CSMD3: variants seen among roughly 807,000 people sequenced by gnomAD.
CSMD3 encodes CUB and sushi domain-containing protein 3.
A neutral mutation model predicts 435.2 loss-of-function variants in CSMD3; 177 were observed. The observed-to-expected ratio is 0.41, with a 90% CI of 0.36 to 0.46. The LOEUF (loss-of-function observed/expected upper bound fraction) is 0.46. Ranked by LOEUF, CSMD3 falls within the 20% of genes least tolerant of loss-of-function variation. The probability of loss-of-function intolerance (pLI) is 0.34; values close to 1 mark genes in which losing one functional copy is unlikely to be tolerated. For missense variants in CSMD3, 4,265 were observed against 4,504.6 expected, an observed-to-expected ratio of 0.95 and a Z score of 1.52; for synonymous variants, 1,656 against 1,520.5, an observed-to-expected ratio of 1.09 and a Z score of -2.07.
At chr8:113,283,967 C>T (rs976184319) in intron 2 of CSMD3, among the ~76,000 whole-genome samples, 1 of 152,088 alleles carries the variant, frequency 6.6e-6, no homozygotes, top group Non-Finnish European at 1.5e-5. Flanking sequence ...GACTATTATT[C>T]TAAGCAAAGT....
At chr8:113,074,025 T>G (rs1462365330) in intron 5 of CSMD3, among the ~76,000 whole-genome samples, 1 of 151,882 alleles carries the variant, frequency 6.6e-6, no homozygotes, top group African/African-American at 2.4e-5. Flanking sequence ...TCTGCCAAAT[T>G]GTGACTTTAT....
intron 1 of CSMD3, among the ~76,000 whole-genome samples, chr8:113,343,076 A>G (rs567135288): frequency 6.6e-6 from 1 of 152,080 alleles, no homozygotes; most frequent in East Asian, 1.9e-4. Context: ...AATAAAGGAG[A>G]AGGAGGAGAC....
At chr8:113,119,857 G>C (rs2090937178) in intron 4 of CSMD3, among the ~76,000 whole-genome samples, 1 of 151,840 alleles carries the variant, frequency 6.6e-6, no homozygotes, top group Non-Finnish European at 1.5e-5. Flanking sequence ...CAGAATTATT[G>C]GTTTATGCAT....
chr8:112,226,431 A>G (rs1028207146), intron 70 of CSMD3, among the ~76,000 whole-genome samples: 2 of 152,210 alleles, frequency 1.3e-5, no homozygotes, highest in African/African-American at 4.8e-5. Context: ...ATTTAACTCA[A>G]AATGAATCAT....
At chr8:112,520,634 T>C (rs1348922826) in intron 27 of CSMD3, among the ~76,000 whole-genome samples, 1 of 151,990 alleles carries the variant, frequency 6.6e-6, no homozygotes, top group African/African-American at 2.4e-5. Flanking sequence ...ATTTTTACTA[T>C]AATGGAAAGC....
chr8:112,954,546 A>C, intron 8 of CSMD3, 138 bp downstream of exon 8: 1 of 629,412 alleles, frequency 1.6e-6, no homozygotes. Context: ...TTGAATAATC[A>C]TCATGCATGT....
At chr8:112,607,186 G>A (rs1056040526) in intron 22 of CSMD3, among the ~76,000 whole-genome samples, 39 of 151,530 alleles carry the variant, frequency 2.6e-4, no homozygotes, top group African/African-American at 6.8e-4. Context: ...TAAATGAATC[G>A]TATCATAAGA....
At chr8:112,501,611 T>A (rs1168736259) in intron 30 of CSMD3, among the ~76,000 whole-genome samples, 1 of 152,186 alleles carries the variant, frequency 6.6e-6, no homozygotes. Flanking sequence ...ACAGCCTCTT[T>A]AGAGAATAAT....
chr8:112,598,160 T>C (rs1831938110), intron 22 of CSMD3, among the ~76,000 whole-genome samples: 1 of 138,546 alleles, frequency 7.2e-6, no homozygotes, highest in Non-Finnish European at 1.6e-5. Flanking sequence ...GATAAGCAAC[T>C]TCAGCAAAGT....
At chr8:112,939,502 G>C (rs2083385067) in intron 9 of CSMD3, among the ~76,000 whole-genome samples, 1 of 151,964 alleles carries the variant, frequency 6.6e-6, no homozygotes, top group Non-Finnish European at 1.5e-5. Context: ...ACTTTGTGTA[G>C]AATAAATAAC....
At chr8:112,397,284 T>C (rs370864297) in intron 35 of CSMD3, among the ~76,000 whole-genome samples, 1 of 152,244 alleles carries the variant, frequency 6.6e-6, no homozygotes, top group Non-Finnish European at 1.5e-5. Context: ...CCTTTCTATT[T>C]CTTCTGTCAC....
At chr8:112,431,114 G>A (rs576504331) in intron 32 of CSMD3, among the ~76,000 whole-genome samples, 2 of 152,120 alleles carry the variant, frequency 1.3e-5, no homozygotes, top group South Asian at 4.1e-4. Flanking sequence ...TTAGACTATA[G>A]GCTATTGAAA....
intron 11 of CSMD3, among the ~76,000 whole-genome samples, chr8:112,833,976 A>G (rs1222819367): frequency 1.3e-5 from 2 of 152,014 alleles, no homozygotes; most frequent in Admixed American, 1.3e-4. Flanking sequence ...GCTAGTGGAT[A>G]CAAATTAGGT....
chr8:113,261,719 TA>T (rs2093428970), intron 3 of CSMD3, among the ~76,000 whole-genome samples: 1 of 152,048 alleles, frequency 6.6e-6, no homozygotes, highest in African/African-American at 2.4e-5. Context: ...AACAACCCTC[TA>T]AAAAATACAA....
rs1008971282 is a variant in CSMD3, at chr8:112,236,170, CA to C, written c.10627+1019del. 1.8e-3 allele frequency among the ~76,000 whole-genome samples: 272 copies of C among 151,806 alleles called. 1 individual carries two copies. The highest frequency in any genetic ancestry group is 6.1e-3 in the African/African-American group (255 of 41,480). On this transcript the variant is annotated intron_variant, in intron 67 of 70. Coordinates refer to ENST00000297405, the MANE Select transcript of CSMD3 (RefSeq NM_198123.2). ...AAATTCATTCTAAAATTTATAAAAT[CA>C]ATGAATATAATTTTATTTTCAATTT...
intron 1 of CSMD3, among the ~76,000 whole-genome samples, chr8:113,360,612 C>A (rs1263351997): frequency 1.4e-5 from 2 of 142,746 alleles, no homozygotes; most frequent in African/African-American, 2.6e-5. Context: ...CTCGCTCTGT[C>A]GCCCAGGCTG....
intron 4 of CSMD3, among the ~76,000 whole-genome samples, chr8:113,125,263 GT>G (rs1353814874): frequency 2.2e-4 from 33 of 152,022 alleles, no homozygotes; most frequent in African/African-American, 7.9e-4. Context: ...GGGCCCACTG[GT>G]TTGCATGATC....
intron 32 of CSMD3, among the ~76,000 whole-genome samples, chr8:112,470,675 C>T (rs16883664): frequency 0.018 from 2,641 of 144,426 alleles, 77 homozygotes; most frequent in African/African-American, 0.063. Flanking sequence ...GCTCACATCT[C>T]TAATCTATAA....
intron 18 of CSMD3, among the ~76,000 whole-genome samples, chr8:112,652,350 C>T (rs527722711): frequency 5.3e-5 from 8 of 152,220 alleles, no homozygotes; most frequent in Middle Eastern, 3.4e-3. Flanking sequence ...CCCCAATGTT[C>T]CAGGTGATAT....
Sources: gnomAD v4.1 joint callset for allele counts (sites outside exome capture counted in the v4.1 genomes callset) on GRCh38, gnomAD v4.1.1 for gene constraint, MANE v1.5 for transcripts, NCBI Gene and HGNC (gene_info 2026-07-23, HGNC 2026-07-21) for gene names.